The following GRM3 variants were observed in gnomAD, a reference collection of about 807,000 sequenced individuals.
The protein encoded by GRM3 is glutamate metabotropic receptor 3.
GRM3 carries 26 observed loss-of-function variants against 70.5 expected under a neutral mutation model. The ratio of observed to expected loss-of-function variants is 0.37; its 90% CI spans 0.27 to 0.51. The LOEUF (loss-of-function observed/expected upper bound fraction) is 0.51, where lower values mean the gene tolerates loss of function less well. Ranked by LOEUF, GRM3 falls within the 20% of genes least tolerant of loss-of-function variation. The pLI is 0.93. For synonymous variants in GRM3, 443 were observed against 434.9 expected (o/e 1.02, Z -0.23); for missense variants, 859 against 1,123.8 (o/e 0.76, Z 3.37).
In GRM3 at chr7:86,840,787, T is replaced by C. The variant is rs1798544170; in HGVS notation, c.2391+882T>C. Among the ~76,000 whole-genome samples the C allele has an allele frequency of 2.6e-5, 4 of 152,316 alleles. No homozygotes were observed. The South Asian group carries it at 8.3e-4, about 32-fold the overall frequency. On this transcript the variant is annotated intron_variant, in intron 4 of 5. Coordinates refer to ENST00000361669, the MANE Select transcript of GRM3 (RefSeq NM_000840.3). ...AAAGTTTTCCAGAAGCATAATGGTT[T>C]ACTTGCTGCACCATGATTTCACAAA...
intron 1 of GRM3, among the ~76,000 whole-genome samples, chr7:86,730,403 A>T (rs760060266): frequency 6.6e-6 from 1 of 152,270 alleles, no homozygotes; most frequent in Non-Finnish European, 1.5e-5. Context: ...CTGGGCGTCA[A>T]GAGCGAAACT....
chr7:86,838,554 A>G (rs1170298091), intron 3 of GRM3, among the ~76,000 whole-genome samples: 1 of 152,208 alleles, frequency 6.6e-6, no homozygotes, highest in Non-Finnish European at 1.5e-5. Context: ...ATATGACTAC[A>G]TGTTTGTAAA....
intron 1 of GRM3, among the ~76,000 whole-genome samples, chr7:86,747,408 T>G (rs1584211678): frequency 1.3e-5 from 2 of 152,248 alleles, no homozygotes; most frequent in South Asian, 4.1e-4. Flanking sequence ...ATATTTTCTA[T>G]AAGCTCATTT....
chr7:86,796,442 A>T (rs772741587), intron 3 of GRM3, among the ~76,000 whole-genome samples: 2 of 152,086 alleles, frequency 1.3e-5, no homozygotes, highest in African/African-American at 4.8e-5. Flanking sequence ...TTGTACCTGT[A>T]CTATGCTGTT....
intron 1 of GRM3, among the ~76,000 whole-genome samples, chr7:86,670,453 A>G (rs1794142222): frequency 6.6e-6 from 1 of 152,120 alleles, no homozygotes; most frequent in South Asian, 2.1e-4. Flanking sequence ...TCATTTTCTT[A>G]TACATCCAGG....
chr7:86,648,979 G>A (rs530769226), intron 1 of GRM3, among the ~76,000 whole-genome samples: 1 of 152,242 alleles, frequency 6.6e-6, no homozygotes, highest in African/African-American at 2.4e-5. Context: ...AAACCAGAGG[G>A]AGGTGAATCA....
chr7:86,764,973 C>T (rs906653589), intron 1 of GRM3, 33 bp from the exon 2 acceptor site: 4 of 1,407,390 alleles, frequency 2.8e-6, no homozygotes, highest in Non-Finnish European at 3.7e-6. Context: ...GCTTTCTTTA[C>T]CATTTTTGTT....
At chr7:86,749,249 T>C (rs1796174403) in intron 1 of GRM3, among the ~76,000 whole-genome samples, 3 of 152,066 alleles carry the variant, frequency 2.0e-5, no homozygotes. Flanking sequence ...CACCATCCTT[T>C]GGGTGACATC....
intron 1 of GRM3, among the ~76,000 whole-genome samples, chr7:86,763,879 G>A (rs1796538238): frequency 6.6e-6 from 1 of 152,104 alleles, no homozygotes; most frequent in Non-Finnish European, 1.5e-5. Flanking sequence ...GGTGGTAGCA[G>A]CTCTCTAGGA....
At chr7:86,725,512 C>A (rs1795571474) in intron 1 of GRM3, among the ~76,000 whole-genome samples, 1 of 152,142 alleles carries the variant, frequency 6.6e-6, no homozygotes, top group African/African-American at 2.4e-5. Flanking sequence ...ATCACCCTCA[C>A]CACATTCTAT....
intron 1 of GRM3, among the ~76,000 whole-genome samples, chr7:86,715,796 A>G (rs1161415055): frequency 6.6e-6 from 1 of 152,028 alleles, no homozygotes; most frequent in Non-Finnish European, 1.5e-5. Flanking sequence ...GTCAATATGC[A>G]CAAGTTTAGA....
intron 1 of GRM3, among the ~76,000 whole-genome samples, chr7:86,664,712 G>A (rs1283969006): frequency 2.6e-5 from 4 of 151,906 alleles, no homozygotes. Flanking sequence ...GCAAGCAGAT[G>A]ATGGTTACGT....
intron 1 of GRM3, among the ~76,000 whole-genome samples, chr7:86,722,443 T>C (rs976420282): frequency 1.5e-4 from 23 of 152,186 alleles, no homozygotes; most frequent in Admixed American, 1.0e-3. Context: ...TGAGTTAATA[T>C]CCTTTGCAGG....
At chr7:86,658,839 A>AT (rs1793820336) in intron 1 of GRM3, among the ~76,000 whole-genome samples, 2 of 151,190 alleles carry the variant, frequency 1.3e-5, no homozygotes, top group African/African-American at 4.9e-5. Flanking sequence ...CAGAGTCAGT[A>AT]CCCTGTTATA....
intron 1 of GRM3, among the ~76,000 whole-genome samples, chr7:86,709,604 A>C (rs1471738294): frequency 6.6e-6 from 1 of 151,952 alleles, no homozygotes; most frequent in Non-Finnish European, 1.5e-5. Flanking sequence ...CTCTGCTCTC[A>C]TCCCCAAAGA....
At chr7:86,725,242 A>G (rs879443316) in intron 1 of GRM3, among the ~76,000 whole-genome samples, 4 of 152,186 alleles carry the variant, frequency 2.6e-5, no homozygotes, top group Non-Finnish European at 5.9e-5. Context: ...AATAATGTAC[A>G]TAAAAGCCTA....
intron 2 of GRM3, chr7:86,775,825 C>T (rs1265596576): frequency 1.3e-5 from 2 of 152,024 alleles, no homozygotes; most frequent in African/African-American, 4.8e-5. Flanking sequence ...GGAAAACTTC[C>T]ACTTATTCCT....
At chr7:86,732,781 A>C (rs756420239) in intron 1 of GRM3, among the ~76,000 whole-genome samples, 30 of 152,208 alleles carry the variant, frequency 2.0e-4, no homozygotes, top group Non-Finnish European at 3.2e-4. Flanking sequence ...AGTGAAGTGG[A>C]AAATAATTCT....
intron 5 of GRM3, among the ~76,000 whole-genome samples, chr7:86,858,030 C>T (rs1290794847): frequency 1.3e-5 from 2 of 151,964 alleles, no homozygotes; most frequent in Non-Finnish European, 2.9e-5. Flanking sequence ...AATCTCGGCT[C>T]ATTACAAGCT....
Sources: allele counts gnomAD v4.1 joint callset (sites outside exome capture counted in the v4.1 genomes callset), GRCh38; gene constraint gnomAD v4.1.1; transcripts MANE v1.5; gene names NCBI Gene and HGNC (gene_info 2026-07-23, HGNC 2026-07-21).